The following OR14L1 variants were observed in gnomAD, a reference collection of about 807,000 sequenced individuals.
OR14L1 encodes the protein olfactory receptor family 14 subfamily L member 1, also known as olfactory receptor 14L1.
the OR14L1 span, chr1:247,620,409 T>C: frequency 6.6e-6 from 1 of 152,202 alleles, no homozygotes; most frequent in Non-Finnish European, 1.5e-5. Context: ...CTGGCAGCAT[T>C]GCCTATGTGA....
the OR14L1 span, chr1:247,620,078 T>G: frequency 2.6e-5 from 4 of 152,264 alleles, no homozygotes; most frequent in African/African-American, 7.2e-5. Context: ...ATGATGGCCA[T>G]GTCGTGGCTC....
the OR14L1 span, chr1:247,620,524 G>A: frequency 6.6e-6 from 1 of 152,326 alleles, no homozygotes; most frequent in African/African-American, 2.4e-5. Context: ...GAGGAATAGG[G>A]ACATGAAGGC....
At chr1:247,617,693 G>GGGGT in the OR14L1 span, among the ~76,000 whole-genome samples, 1 of 143,916 alleles carries the variant, frequency 6.9e-6, no homozygotes, top group Non-Finnish European at 1.5e-5. Flanking sequence ...AGTGGTGAAA[G>GGGGT]GTGTGTGTGT....
chr1:247,619,744 C>T, the OR14L1 span: 2 of 152,252 alleles, frequency 1.3e-5, no homozygotes, highest in African/African-American at 4.8e-5. Context: ...CCTAGTTTAC[C>T]TGGCAGCTGT....
At chr1:247,620,816 T>G in the OR14L1 span, 1 of 152,206 alleles carries the variant, frequency 6.6e-6, no homozygotes, top group Non-Finnish European at 1.5e-5. Flanking sequence ...TTCATTTTTA[T>G]GAGTTGTAGA....
chr1:247,621,924 T>C, the OR14L1 span: 1 of 152,150 alleles, frequency 6.6e-6, no homozygotes, highest in Non-Finnish European at 1.5e-5. Flanking sequence ...TGTGTGTGTA[T>C]ACTACATTTT....
the OR14L1 span, chr1:247,620,167 T>G: frequency 6.6e-6 from 1 of 152,170 alleles, no homozygotes; most frequent in Non-Finnish European, 1.5e-5. Flanking sequence ...AATACGTCAA[T>G]TTTTCTGTAA....
At chr1:247,619,115 T>C in the OR14L1 span, among the ~76,000 whole-genome samples, 17 of 152,200 alleles carry the variant, frequency 1.1e-4, no homozygotes, top group African/African-American at 4.1e-4. Context: ...AGGCTGTGAC[T>C]ATAACCTCAC....
chr1:247,621,589 A>G, the OR14L1 span: 3 of 152,174 alleles, frequency 2.0e-5, no homozygotes, highest in Admixed American at 6.5e-5. Context: ...CACACAATAC[A>G]TTGGTATGAA....
the OR14L1 span, chr1:247,621,381 A>T: frequency 6.6e-6 from 1 of 152,178 alleles, no homozygotes; most frequent in African/African-American, 2.4e-5. Context: ...TACCTTAGTT[A>T]TCCTTTTTAA....
At chr1:247,622,347 A>G in the OR14L1 span, 2 of 152,164 alleles carry the variant, frequency 1.3e-5, no homozygotes, top group South Asian at 4.1e-4. Context: ...AAGATGATAA[A>G]CTTAATAAGT....
chr1:247,620,214 A>G, the OR14L1 span: 15 of 152,288 alleles, frequency 9.8e-5, no homozygotes, highest in African/African-American at 3.6e-4. Flanking sequence ...ACCCCAAAGT[A>G]ATTACCATTG....
the OR14L1 span, among the ~76,000 whole-genome samples, chr1:247,619,289 T>A: frequency 6.6e-6 from 1 of 152,200 alleles, no homozygotes; most frequent in Non-Finnish European, 1.5e-5. Flanking sequence ...ATTCAGTTGA[T>A]GGGAATAATA....
chr1:247,617,311 G>T, the OR14L1 span: 1 of 152,156 alleles, frequency 6.6e-6, no homozygotes, highest in East Asian at 1.9e-4. Flanking sequence ...GTAAACCAAG[G>T]CTCCTTCTCA....
chr1:247,621,686 C>T, the OR14L1 span: 1 of 152,206 alleles, frequency 6.6e-6, no homozygotes, highest in South Asian at 2.1e-4. Flanking sequence ...AACATTTCCC[C>T]TTTACCAGTC....
the OR14L1 span, among the ~76,000 whole-genome samples, chr1:247,619,031 C>A: frequency 1.3e-5 from 2 of 152,080 alleles, no homozygotes; most frequent in African/African-American, 2.4e-5. Flanking sequence ...CTTATGAAAT[C>A]TTTTACTATA....
chr1:247,621,677 A>G, the OR14L1 span: 2 of 152,182 alleles, frequency 1.3e-5, no homozygotes, highest in Non-Finnish European at 1.5e-5. Context: ...TCTCCGACCA[A>G]CATTTCCCCT....
the OR14L1 span, chr1:247,617,210 G>A: frequency 6.6e-6 from 1 of 152,198 alleles, no homozygotes; most frequent in African/African-American, 2.4e-5. Context: ...TTTGAATCAG[G>A]GAGAAGATAA....
chr1:247,617,693 G>GGTGTGTGTGT, the OR14L1 span, among the ~76,000 whole-genome samples: 920 of 144,008 alleles, frequency 6.4e-3, 9 homozygotes, highest in Non-Finnish European at 9.7e-3. Flanking sequence ...AGTGGTGAAA[G>GGTGTGTGTGT]GTGTGTGTGT....
Sources: gnomAD v4.1 joint callset for allele counts (sites outside exome capture counted in the v4.1 genomes callset) on GRCh38, gnomAD v4.1.1 for gene constraint, MANE v1.5 for transcripts, NCBI Gene and HGNC (gene_info 2026-07-23, HGNC 2026-07-21) for gene names.